The following ATP1A3 variants were observed in gnomAD, a reference collection of about 807,000 sequenced individuals.
ATP1A3 encodes the protein ATPase Na+/K+ transporting subunit alpha 3.
In ATP1A3, 12 loss-of-function variants were observed where a neutral mutation model predicts 108.8. The observed-to-expected ratio is 0.11, with a 90% confidence interval of 0.07 to 0.18. The LOEUF is 0.18. Among genes scored for constraint, ATP1A3 ranks in the 10% least tolerant of loss-of-function variants. ATP1A3 has a pLI of 1.00. For synonymous variants in ATP1A3, 539 were observed against 564.5 expected (o/e 0.95, Z 0.64); for missense variants, 498 against 1,387.7 (o/e 0.36, Z 10.19).
chr19:41,976,297 A>T, intron 15 of ATP1A3, 119 bp downstream of exon 15: 1 of 1,401,578 alleles, frequency 7.1e-7, no homozygotes, highest in Non-Finnish European at 9.8e-7. Context: ...CTCCTCTCTC[A>T]GACCCAGGGG....
chr19:41,978,904 C>T lies in ATP1A3; in HGVS notation c.1438-106G>A, dbSNP rs1031358434. ...AGCCACGGGTGCCAGGATAGGCCCA[C>T]ACCAGGGCTCCCCCACACTCTCTCA... On this transcript the variant is annotated intron_variant, in intron 11 of 22. Transcript: ENST00000648268. The surrounding 1 kb of genome is among the most constrained non-coding windows in gnomAD (Gnocchi z 8.3). 2 of 1,079,974 alleles carry T rather than the reference C, an allele frequency of 1.9e-6. No homozygotes were observed. The highest frequency in any genetic ancestry group is 1.6e-5 in the African/African-American group (1 of 64,292). The allele number at this position is 1,079,974 out of a possible 1,614,324, so 66.9% of individuals were successfully genotyped here.
chr19:41,970,679 T>G (rs2145948834), intron 16 of ATP1A3, 137 bp from the exon 17 acceptor site: 4 of 1,046,568 alleles, frequency 3.8e-6, no homozygotes, highest in East Asian at 2.7e-5. Flanking sequence ...TTGCCCAGGC[T>G]GGAGTGCAGT....
rs1206891767 is a variant in ATP1A3 at position 41,994,184 on chromosome 19, G to C, written c.-108C>G. On this transcript the variant is annotated 5_prime_UTR_variant, in exon 1 of 23. Coordinates refer to ENST00000648268, the MANE Select transcript of ATP1A3 (RefSeq NM_152296.5). ...CTCTGCAGCGCCCGCGCCTCGGTAG[G>C]TGCGCGCGTCCGTCCGTCCGTCCGT... 1 of 1,112,252 alleles carries C rather than the reference G, an allele frequency of 9.0e-7. No individual in the cohort carries two copies. The highest frequency in any genetic ancestry group is 1.7e-5 in the African/African-American group (1 of 60,524). The allele number at this position is 1,112,252 out of a possible 1,614,324, so 68.9% of individuals were successfully genotyped here.
chr19:41,994,001 C>T, intron 1 of ATP1A3, 70 bp downstream of exon 1: 1 of 1,597,978 alleles, frequency 6.3e-7, no homozygotes, highest in Non-Finnish European at 8.5e-7. Flanking sequence ...CCCCCGCCCC[C>T]CGCGCACACC....
At chr19:41,977,263 A>G (rs1290753358) in intron 14 of ATP1A3, among the ~76,000 whole-genome samples, 1 of 152,162 alleles carries the variant, frequency 6.6e-6, no homozygotes, top group Non-Finnish European at 1.5e-5. Flanking sequence ...AGAGACAGAC[A>G]CAGAAGTACT....
chr19:41,972,736 G>T lies in ATP1A3; in HGVS notation c.2264-2194C>A, dbSNP rs1223453226. Among the ~76,000 whole-genome samples the T allele has an allele frequency of 3.4e-5, 5 of 148,618 alleles. No individual in the cohort carries two copies. In the Admixed American group the frequency reaches 3.4e-4, roughly 10 times the overall value. On this transcript the variant is annotated intron_variant, in intron 16 of 22. Transcript: ENST00000648268. ...GCCAACATCACGCCACTGCACTCCA[G>T]CCTGGCAACAGAGCAAGACTCCATC...
rs190775955 is a variant in ATP1A3 at position 41,986,400 on chromosome 19, C to T, written c.358-171G>A. ...TGTGTCTGAGTCTCCCCTGTTTGTG[C>T]TTGAGTCCCTCTTTCTGTAATGGTT... On this transcript the variant is annotated intron_variant, in intron 4 of 22. Coordinates refer to ENST00000648268, the MANE Select transcript of ATP1A3 (RefSeq NM_152296.5). 6.8e-6 allele frequency: 4 copies of T among 590,824 alleles called. No homozygotes were observed. The Admixed American group carries it at 1.1e-4, about 17-fold the overall frequency. The allele number at this position is 590,824 out of a possible 1,614,324, so 36.6% of individuals were successfully genotyped here.
intron 16 of ATP1A3, among the ~76,000 whole-genome samples, chr19:41,974,309 G>A (rs1346162163): frequency 1.3e-5 from 2 of 152,110 alleles, no homozygotes; most frequent in Non-Finnish European, 2.9e-5. Context: ...CAGGTGTGAT[G>A]GTGCATACCT....
At position 41,970,599 on chromosome 19, in the gene ATP1A3, G is replaced by GCCC. The variant is rs1881823421; in HGVS notation, c.2264-60_2264-58dup. On this transcript the variant is annotated intron_variant, in intron 16 of 22. Transcript: ENST00000648268. ...CATGCCAGGGAGCCCCACTCCCTCTGCCCCTCCTCTGCCCTCATCCAACGT... is the reference window on the plus strand; with the variant it reads ...CATGCCAGGGAGCCCCACTCCCTCTGCCCCCCCTCCTCTGCCCTCATCCAACGT... 4.5e-6 allele frequency: 7 copies of GCCC among 1,551,420 alleles called. No individual in the cohort carries two copies. In the East Asian group the frequency reaches 1.6e-4, roughly 35 times the overall value.
chr19:41,993,876 A>G, intron 1 of ATP1A3, 195 bp downstream of exon 1: 1 of 1,005,538 alleles, frequency 9.9e-7, no homozygotes, highest in Non-Finnish European at 1.4e-6. Flanking sequence ...AGCCATGCCA[A>G]CGTGCGCCAC....
chr19:41,986,088 G>A (rs529417736), intron 5 of ATP1A3, 28 bp downstream of exon 5: 18 of 1,614,088 alleles, frequency 1.1e-5, no homozygotes, highest in East Asian at 8.9e-5. Context: ...TAACACCCCC[G>A]TCTGGCCCCT....
rs1555860789 is a variant in ATP1A3, at chr19:41,975,650, T to A, written c.2242A>T (p.Ile748Phe). The A allele has an allele frequency of 6.2e-7, 1 of 1,614,058 alleles. No homozygotes were observed. Among genetic ancestry groups the A allele is most frequent in the Non-Finnish European group, 8.5e-7 (1 of 1,179,966 alleles). The change falls in exon 16 of 23, where the codon ATC becomes TTC. Residue 748 changes from isoleucine (I) to phenylalanine (F), a missense_variant. By Grantham distance (21) the Ile-to-Phe change is conservative. Coordinates refer to ENST00000648268, the MANE Select transcript of ATP1A3 (RefSeq NM_152296.5). ...TCACCCTCCTCCACCCCTGTGACGA[T>A]GGAGGCAAAGTTGTCGTCCAGCAGG... ...MILLDDNFAS[I>F]VTGVEEGRLI...
Position 41,994,207 on chromosome 19 carries a change from C to G in ATP1A3, c.-131G>C. 2.3e-6 allele frequency: 2 copies of G among 853,738 alleles called. No individual in the cohort carries two copies. The highest frequency in any genetic ancestry group is 3.3e-6 in the Non-Finnish European group (2 of 599,308). 52.9% of individuals were successfully genotyped at this position (853,738 alleles called of 1,614,324 possible). ...AGGTGCGCGCGTCCGTCCGTCCGTC[C>G]GTTGGTCCCACCGCACAGAGGCTGC... On this transcript the variant is annotated 5_prime_UTR_variant, in exon 1 of 23. Transcript: ENST00000648268.
chr19:41,980,977 T>C (rs2075224627), intron 11 of ATP1A3, among the ~76,000 whole-genome samples: 1 of 151,122 alleles, frequency 6.6e-6, no homozygotes, highest in African/African-American at 2.4e-5. Context: ...TCCTGCTTGT[T>C]CCCACTCTCT....
chr19:41,969,346 G>A, intron 19 of ATP1A3, 89 bp downstream of exon 19: 1 of 1,595,726 alleles, frequency 6.3e-7, no homozygotes, highest in South Asian at 1.1e-5. Context: ...GACTGAGGGG[G>A]CCATCGTAGG....
chr19:41,969,421 C>T lies in ATP1A3; in HGVS notation c.2688+14G>A, dbSNP rs781889284. On this transcript the variant is annotated intron_variant, in intron 19 of 22. Transcript: ENST00000648268. Reference sequence around the variant, plus strand: ...CTTACGGTGGGCAGAGACACAGCACCCTGCCCTACTCACCCACTGCTGCCC... The same window carrying T: ...CTTACGGTGGGCAGAGACACAGCACTCTGCCCTACTCACCCACTGCTGCCC... 2.5e-6 allele frequency: 4 copies of T among 1,614,138 alleles called. No individual in the cohort carries two copies. The highest frequency in any genetic ancestry group is 2.2e-5 in the East Asian group (1 of 44,872).
At chr19:41,986,450 AT>A (rs1160154193) in intron 4 of ATP1A3, 1,269 of 406,806 alleles carry the variant, frequency 3.1e-3, no homozygotes, top group Middle Eastern at 5.7e-3. Flanking sequence ...GGGTCTGTCG[AT>A]TTTTTTTTTG....
chr19:41,972,802 AGG>A (rs1226021339), intron 16 of ATP1A3, among the ~76,000 whole-genome samples: 12 of 102,588 alleles, frequency 1.2e-4, no homozygotes, highest in African/African-American at 4.3e-4. Flanking sequence ...GAAGGAAGGA[AGG>A]GGAAGGAAGG....
chr19:41,966,866 TG>T lies in ATP1A3; in HGVS notation c.*70del. ...GGCTCCTCCCCCCAGAATACAAAAT[TG>T]GGGGGACTGACAGGGGCGGTCCTGG... On this transcript the variant is annotated 3_prime_UTR_variant, in exon 23 of 23. Transcript: ENST00000648268. 6.6e-7 allele frequency: 1 copy of T among 1,524,842 alleles called. No individual in the cohort carries two copies. Among genetic ancestry groups the T allele is most frequent in the Non-Finnish European group, 8.8e-7 (1 of 1,134,356 alleles). 94.5% of individuals were successfully genotyped at this position (1,524,842 alleles called of 1,614,324 possible). A position where few individuals can be genotyped will look rare whatever the true frequency, so the allele number is the denominator to read the frequency against.
Sources: allele counts gnomAD v4.1 joint callset (sites outside exome capture counted in the v4.1 genomes callset), GRCh38; gene constraint gnomAD v4.1.1; non-coding constraint Gnocchi (gnomAD v3.1); transcripts MANE v1.5; gene names NCBI Gene and HGNC (gene_info 2026-07-23, HGNC 2026-07-21).